SLC38A2: variants seen among roughly 807,000 people sequenced by gnomAD.
SLC38A2 encodes the protein solute carrier family 38 member 2.
In SLC38A2, 11 loss-of-function variants were observed where a neutral mutation model predicts 61.5. That is an observed-to-expected ratio of 0.18 (90% confidence interval 0.11 to 0.30). The LOEUF (loss-of-function observed/expected upper bound fraction) is 0.30, where lower values mean the gene tolerates loss of function less well. Ranked by LOEUF, SLC38A2 falls within the 10% of genes least tolerant of loss-of-function variation. The pLI is 1.00. For missense variants in SLC38A2, 522 were observed against 600.4 expected, an observed-to-expected ratio of 0.87 and a Z score of 1.36; for synonymous variants, 217 against 212.5, an observed-to-expected ratio of 1.02 and a Z score of -0.18.
chr12:46,368,391 A>AAAAT (rs918674638), intron 4 of SLC38A2, among the ~76,000 whole-genome samples: 11 of 152,286 alleles, frequency 7.2e-5, no homozygotes, highest in Non-Finnish European at 1.5e-4. Context: ...CAACAGAAAA[A>AAAAT]AAATAAATAA....
At chr12:46,362,200 T>C (rs975462677) in intron 15 of SLC38A2, 84 bp downstream of exon 15, 1 of 1,099,748 alleles carries the variant, frequency 9.1e-7, no homozygotes, top group Non-Finnish European at 1.3e-6. Flanking sequence ...CCATAACAAA[T>C]AACAGCTATG....
In SLC38A2 at chr12:46,371,250, T is replaced by C; in HGVS notation, c.44A>G (p.Glu15Gly). 1 of 1,614,238 alleles carries C rather than the reference T, an allele frequency of 6.2e-7. No homozygotes were observed. ...EMGRFSISPD[E>G]DSSSYSSNSD... ...GTTGGAACTGTAGCTGCTGCTGTCT[T>C]CATCCGGGGAAATACTGAATCGTCC... Residue 15 changes from glutamate to glycine, a missense_variant, in exon 2 of 16, where the codon GAA becomes GGA. Glu to Gly is a moderately conservative substitution (Grantham distance 98). Coordinates refer to ENST00000256689, the MANE Select transcript of SLC38A2 (RefSeq NM_018976.5).
At chr12:46,367,008 T>G (rs919019408) in intron 6 of SLC38A2, 63 bp from the exon 7 acceptor site, 1 of 1,596,798 alleles carries the variant, frequency 6.3e-7, no homozygotes, top group South Asian at 1.1e-5. Context: ...CTAAAACGCA[T>G]GTGTCACCAT....
chr12:46,365,595 G>A (rs1943131243), intron 7 of SLC38A2, among the ~76,000 whole-genome samples: 1 of 151,966 alleles, frequency 6.6e-6, no homozygotes, highest in South Asian at 2.1e-4. Flanking sequence ...TTCTAATGCT[G>A]GAAACTAAAA....
intron 2 of SLC38A2, 156 bp downstream of exon 2, chr12:46,371,022 T>C (rs1347671775): frequency 6.0e-6 from 5 of 833,302 alleles, no homozygotes; most frequent in South Asian, 1.5e-5. Flanking sequence ...ACCAGCTATC[T>C]TGTCATTACA....
intron 8 of SLC38A2, 57 bp downstream of exon 8, chr12:46,365,050 G>C: frequency 7.1e-7 from 1 of 1,404,224 alleles, no homozygotes; most frequent in Non-Finnish European, 1.0e-6. Flanking sequence ...TTCAGAGAAA[G>C]CCCAACTAAC....
At position 46,368,252 on chromosome 12, in the gene SLC38A2, T is replaced by C. The variant is rs530332978; in HGVS notation, c.315-912A>G. On this transcript the variant is annotated intron_variant, in intron 4 of 15. Transcript: ENST00000256689. Reference sequence around the variant, plus strand: ...CTAACCATTGTGATGACATACTACATTGCACCCCATGGCAAGGAATACAGG... The same window carrying C: ...CTAACCATTGTGATGACATACTACACTGCACCCCATGGCAAGGAATACAGG... Among the ~76,000 whole-genome samples the C allele has an allele frequency of 3.3e-5, 5 of 152,260 alleles. No homozygotes were observed. In the South Asian group the frequency reaches 1.0e-3, roughly 32 times the overall value.
chr12:46,370,403 G>C, intron 4 of SLC38A2, 109 bp downstream of exon 4: 1 of 786,654 alleles, frequency 1.3e-6, no homozygotes. Flanking sequence ...TTTTAAGCAA[G>C]TAACTTTTGA....
chr12:46,371,310 A>G lies in SLC38A2; in HGVS notation c.-17T>C. The G allele has an allele frequency of 6.2e-7, 1 of 1,600,904 alleles. No individual in the cohort carries two copies. On this transcript the variant is annotated 5_prime_UTR_variant, in exon 2 of 16. Coordinates refer to ENST00000256689, the MANE Select transcript of SLC38A2 (RefSeq NM_018976.5). ...CTTCTTCATGCTAAGCACTGGGAGGAATCGGGTGCAGCTAGTAGCGCTGGG... is the reference window on the plus strand; with the variant it reads ...CTTCTTCATGCTAAGCACTGGGAGGGATCGGGTGCAGCTAGTAGCGCTGGG...
In SLC38A2 at chr12:46,362,944, C is replaced by T. The variant is rs138569398; in HGVS notation, c.1179+77G>A. 1.3e-5 allele frequency: 21 copies of T among 1,559,486 alleles called. No individual in the cohort carries two copies. The East Asian group carries it at 4.7e-4, about 35-fold the overall frequency. On this transcript the variant is annotated intron_variant, in intron 13 of 15. Transcript: ENST00000256689. ...TGTTCTACTGGTGTTTCCCTTCTTC[C>T]AGAAGATGAAAATCTCACCAATATT...
chr12:46,360,938 T>A lies in SLC38A2; in HGVS notation c.*173A>T. Reference sequence around the variant, plus strand: ...ATTTCTAACATACAGATAAGTTTCTTAAAAAAACAAAACAAAACAAAAAAG... The same window carrying A: ...ATTTCTAACATACAGATAAGTTTCTAAAAAAAACAAAACAAAACAAAAAAG... On this transcript the variant is annotated 3_prime_UTR_variant, in exon 16 of 16. Transcript: ENST00000256689. 1.8e-6 allele frequency: 1 copy of A among 568,624 alleles called. No individual in the cohort carries two copies. The allele number at this position is 568,624 out of a possible 1,614,324, so 35.2% of individuals were successfully genotyped here.
intron 12 of SLC38A2, among the ~76,000 whole-genome samples, 154 bp downstream of exon 12, chr12:46,363,572 A>G (rs1943106377): frequency 6.6e-6 from 1 of 152,130 alleles, no homozygotes; most frequent in South Asian, 2.1e-4. Context: ...GAAAATTCTA[A>G]GCTCTAAATT....
Position 46,361,053 on chromosome 12 carries a change from G to A in SLC38A2, c.*58C>T. ...AAACATTAGGTGAAATTTCATAGTA[G>A]TTGAGTTTACTCAACACTGGCATCA... On this transcript the variant is annotated 3_prime_UTR_variant, in exon 16 of 16. Coordinates refer to ENST00000256689, the MANE Select transcript of SLC38A2 (RefSeq NM_018976.5). 1 of 1,327,798 alleles carries A rather than the reference G, an allele frequency of 7.5e-7. No individual in the cohort carries two copies. Among genetic ancestry groups the A allele is most frequent in the South Asian group, 1.2e-5 (1 of 81,754 alleles). The allele number at this position is 1,327,798 out of a possible 1,614,324, so 82.3% of individuals were successfully genotyped here. A position where few individuals can be genotyped will look rare whatever the true frequency, so the allele number is the denominator to read the frequency against.
At chr12:46,369,807 G>C (rs1484099376) in intron 4 of SLC38A2, among the ~76,000 whole-genome samples, 1 of 152,120 alleles carries the variant, frequency 6.6e-6, no homozygotes, top group African/African-American at 2.4e-5. Context: ...GTACCTCCAA[G>C]AGTCTATCCA....
rs749453504 is a variant in SLC38A2 at position 46,363,717 on chromosome 12, G to A, written c.1054+9C>T. The A allele has an allele frequency of 3.1e-5, 47 of 1,529,026 alleles. No homozygotes were observed. The highest frequency in any genetic ancestry group is 4.7e-5 in the Admixed American group (2 of 42,126). The allele number at this position is 1,529,026 out of a possible 1,614,324, so 94.7% of individuals were successfully genotyped here. A position where few individuals can be genotyped will look rare whatever the true frequency, so the allele number is the denominator to read the frequency against. Reference sequence around the variant, plus strand: ...TTGTTTTTGTTTTGGTAAAGGAGGCGTTACTTACCGTAAAATGTTAGGTAT... The same window carrying A: ...TTGTTTTTGTTTTGGTAAAGGAGGCATTACTTACCGTAAAATGTTAGGTAT... On this transcript the variant is annotated intron_variant, in intron 12 of 15. Transcript: ENST00000256689.
intron 4 of SLC38A2, among the ~76,000 whole-genome samples, chr12:46,369,882 T>TA (rs1417550633): frequency 2.0e-5 from 3 of 152,168 alleles, no homozygotes; most frequent in Non-Finnish European, 4.4e-5. Context: ...GGGAACCATT[T>TA]AAAAATAAGT....
At chr12:46,364,871 AATAT>A (rs1220315962) in intron 8 of SLC38A2, 169 bp from the exon 9 acceptor site, 3 of 682,836 alleles carry the variant, frequency 4.4e-6, no homozygotes. Context: ...GATTTATTTA[AATAT>A]ACTTGTCATA....
chr12:46,371,367 C>CG lies in SLC38A2; in HGVS notation c.-75_-74insC. ...TTGTCCTTGGCGGTGGGTGCAGCGGCCCGCGAGTCGGCCTGCGAAAGTAGA... is the reference window on the plus strand; with the variant it reads ...TTGTCCTTGGCGGTGGGTGCAGCGGCGCCGCGAGTCGGCCTGCGAAAGTAGA... On this transcript the variant is annotated 5_prime_UTR_variant, in exon 2 of 16. Transcript: ENST00000256689. 8.1e-7 allele frequency: 1 copy of CG among 1,232,974 alleles called. No homozygotes were observed. Among genetic ancestry groups the CG allele is most frequent in the South Asian group, 1.2e-5 (1 of 81,204 alleles). The allele number at this position is 1,232,974 out of a possible 1,614,324, so 76.4% of individuals were successfully genotyped here.
Position 46,371,352 on chromosome 12 carries a change from C to CGGTGGGT in SLC38A2, c.-66_-60dup, listed in dbSNP as rs1555200097. 2.1e-6 allele frequency: 3 copies of CGGTGGGT among 1,417,856 alleles called. No individual in the cohort carries two copies. The highest frequency in any genetic ancestry group is 3.0e-6 in the Non-Finnish European group (3 of 1,004,418). 87.8% of individuals were successfully genotyped at this position (1,417,856 alleles called of 1,614,324 possible). ...AGCGCTGGGCTCCTTTTGTCCTTGG[C>CGGTGGGT]GGTGGGTGCAGCGGCCCGCGAGTCG... is the stretch of plus-strand genomic sequence containing the variant. On this transcript the variant is annotated 5_prime_UTR_variant, in exon 2 of 16. Coordinates refer to ENST00000256689, the MANE Select transcript of SLC38A2 (RefSeq NM_018976.5).
Sources: gnomAD v4.1 joint callset for allele counts (sites outside exome capture counted in the v4.1 genomes callset) on GRCh38, gnomAD v4.1.1 for gene constraint, MANE v1.5 for transcripts, NCBI Gene and HGNC (gene_info 2026-07-23, HGNC 2026-07-21) for gene names.